The following CHD6 variants were observed in gnomAD, a reference collection of about 807,000 sequenced individuals.
CHD6 encodes the protein ATP-dependent chromatin remodeler CHD6.
Under a neutral mutation model 276.9 loss-of-function variants are expected in CHD6, and 50 were observed. The observed-to-expected ratio is 0.18, with a 90% confidence interval of 0.14 to 0.23. CHD6 has a LOEUF of 0.23. Among genes scored for constraint, CHD6 ranks in the 10% least tolerant of loss-of-function variants. CHD6 has a pLI of 1.00. For missense variants in CHD6, 2,564 were observed against 3,365.8 expected (o/e 0.76, Z 5.89); for synonymous variants, 1,173 against 1,229.3 (o/e 0.95, Z 0.96).
At chr20:41,409,457 G>A (rs1317909668) in intron 36 of CHD6, among the ~76,000 whole-genome samples, 2 of 152,216 alleles carry the variant, frequency 1.3e-5, no homozygotes, top group Non-Finnish European at 2.9e-5. Context: ...AGCCTAAGAA[G>A]AACATCCTCA....
intron 3 of CHD6, among the ~76,000 whole-genome samples, chr20:41,520,676 C>T (rs1292214269): frequency 1.4e-5 from 1 of 73,596 alleles, no homozygotes; most frequent in Admixed American, 1.8e-4. Flanking sequence ...GTTGTGGGGT[C>T]GGGGGAGGGG....
At chr20:41,563,364 AT>A in intron 1 of CHD6, among the ~76,000 whole-genome samples, 1 of 152,322 alleles carries the variant, frequency 6.6e-6, no homozygotes, top group Non-Finnish European at 1.5e-5. Flanking sequence ...GCAGTATCCT[AT>A]GTTGCTATAA....
chr20:41,570,952 G>C (rs1283014825), intron 1 of CHD6, among the ~76,000 whole-genome samples: 1 of 152,108 alleles, frequency 6.6e-6, no homozygotes, highest in Admixed American at 6.6e-5. Context: ...TCTGCTCTCA[G>C]AGTTACCTAC....
At chr20:41,456,115 T>G in intron 18 of CHD6, 136 bp from the exon 19 acceptor site, 1 of 766,098 alleles carries the variant, frequency 1.3e-6, no homozygotes, top group South Asian at 3.2e-5. Flanking sequence ...GGCAACAAAC[T>G]TCAGCTAGTG....
At chr20:41,564,842 T>C (rs1203614863) in intron 1 of CHD6, among the ~76,000 whole-genome samples, 2 of 152,168 alleles carry the variant, frequency 1.3e-5, no homozygotes, top group African/African-American at 4.8e-5. Context: ...GGAGAGAGGC[T>C]CTCAAAATGC....
chr20:41,601,767 G>C (rs1045188971), intron 1 of CHD6, among the ~76,000 whole-genome samples: 2 of 152,198 alleles, frequency 1.3e-5, no homozygotes, highest in African/African-American at 4.8e-5. Context: ...ATTTCATGTG[G>C]TGTTAAAGGA....
intron 31 of CHD6, 43 bp from the exon 32 acceptor site, chr20:41,417,392 A>G (rs2047035185): frequency 6.4e-7 from 1 of 1,553,466 alleles, no homozygotes; most frequent in Non-Finnish European, 8.8e-7. Context: ...TAACTATAGT[A>G]GTGAGATACT....
intron 1 of CHD6, among the ~76,000 whole-genome samples, chr20:41,564,685 TCTTA>T (rs1188317723): frequency 1.3e-5 from 2 of 152,236 alleles, no homozygotes; most frequent in Non-Finnish European, 2.9e-5. Flanking sequence ...TTTTTAAAAA[TCTTA>T]CTTAAAGGCT....
At chr20:41,474,567 C>A (rs755759559) in intron 16 of CHD6, among the ~76,000 whole-genome samples, 4 of 152,104 alleles carry the variant, frequency 2.6e-5, no homozygotes, top group Non-Finnish European at 5.9e-5. Flanking sequence ...AGAAAAGAAC[C>A]AAATCACCCC....
At position 41,587,918 on chromosome 20, in the gene CHD6, T is replaced by C. The variant is rs529665269; in HGVS notation, c.-24+30422A>G. Among the ~76,000 whole-genome samples the C allele has an allele frequency of 3.9e-5, 6 of 152,044 alleles. 1 individual carries two copies. The highest frequency in any genetic ancestry group is 1.4e-4 in the African/African-American group (6 of 41,446). ...ACCAAAAGAATAAAGCATTAAGCAATAGGAGTAAACGCTGAGAAGTCATGA... is the reference window on the plus strand; with the variant it reads ...ACCAAAAGAATAAAGCATTAAGCAACAGGAGTAAACGCTGAGAAGTCATGA... On this transcript the variant is annotated intron_variant, in intron 1 of 36. Transcript: ENST00000373233.
Position 41,452,624 on chromosome 20 carries a change from C to A in CHD6, c.3323+116G>T. The A allele has an allele frequency of 1.1e-6, 1 of 907,974 alleles. No homozygotes were observed. Among genetic ancestry groups the A allele is most frequent in the East Asian group, 2.5e-5 (1 of 40,434 alleles). The allele number at this position is 907,974 out of a possible 1,614,324, so 56.2% of individuals were successfully genotyped here. A position where few individuals can be genotyped will look rare whatever the true frequency, so the allele number is the denominator to read the frequency against. ...TTCTCTCTTGCTCCAACAGATCCCCCTTTGCCCTATAATTCCAAAGGTGAC... is the reference window on the plus strand; with the variant it reads ...TTCTCTCTTGCTCCAACAGATCCCCATTTGCCCTATAATTCCAAAGGTGAC... On this transcript the variant is annotated intron_variant, in intron 21 of 36. Coordinates refer to ENST00000373233, the MANE Select transcript of CHD6 (RefSeq NM_032221.5). This position sits in a 1 kb window ranked among gnomAD's most constrained non-coding sequence, Gnocchi z 4.2.
intron 2 of CHD6, among the ~76,000 whole-genome samples, chr20:41,549,221 T>C (rs1009513993): frequency 2.6e-5 from 4 of 151,862 alleles, no homozygotes; most frequent in African/African-American, 4.8e-5. Flanking sequence ...CTATTCACAA[T>C]AGCAAAGACT....
rs566111491 is a variant in CHD6 at position 41,449,875 on chromosome 20, T to C, written c.3683+1071A>G. On this transcript the variant is annotated intron_variant, in intron 23 of 36. Transcript: ENST00000373233. ...ACATCCCATCCCCAGTGGATAACCA[T>C]TATCCTGTCTGCTTTTAGCTTAGAT... Among the ~76,000 whole-genome samples the C allele has an allele frequency of 5.9e-5, 9 of 152,318 alleles. No individual in the cohort carries two copies. In the South Asian group the frequency reaches 1.9e-3, roughly 32 times the overall value.
At chr20:41,577,512 G>C (rs913584225) in intron 1 of CHD6, among the ~76,000 whole-genome samples, 3 of 151,990 alleles carry the variant, frequency 2.0e-5, no homozygotes, top group African/African-American at 4.8e-5. Flanking sequence ...CAAGTAAAAA[G>C]ATTCAAAAAA....
At chr20:41,435,897 A>G (rs887141742) in intron 27 of CHD6, among the ~76,000 whole-genome samples, 3 of 152,032 alleles carry the variant, frequency 2.0e-5, no homozygotes, top group Non-Finnish European at 2.9e-5. Context: ...TGTGCTACTG[A>G]CAGAGGAAAA....
chr20:41,488,584 G>C lies in CHD6; in HGVS notation c.1701C>G (p.Val567=). 2 of 1,613,578 alleles carry C rather than the reference G, an allele frequency of 1.2e-6. No individual in the cohort carries two copies. The highest frequency in any genetic ancestry group is 1.7e-6 in the Non-Finnish European group (2 of 1,179,748). Residue 567 remains valine (V), a synonymous_variant, in exon 13 of 37, where the codon GTC becomes GTG. Transcript: ENST00000373233. ...RDAQGNPLSG[V]FKFHVVITTF... Reference sequence around the variant, plus strand: ...TTGTGATGACGACGTGGAACTTGAAGACTCCTGAAAGGGGGTTTCCCTGAG... The same window carrying C: ...TTGTGATGACGACGTGGAACTTGAACACTCCTGAAAGGGGGTTTCCCTGAG...
chr20:41,536,407 A>G (rs1011951697), intron 2 of CHD6, among the ~76,000 whole-genome samples: 6 of 152,236 alleles, frequency 3.9e-5, no homozygotes, highest in African/African-American at 1.4e-4. Flanking sequence ...AAAGACACTT[A>G]AAGACTTGAA....
intron 13 of CHD6, 118 bp downstream of exon 13, chr20:41,488,307 AAAG>A: frequency 1.0e-6 from 1 of 978,668 alleles, no homozygotes; most frequent in South Asian, 1.7e-5. Context: ...AGAGACCAAA[AAAG>A]AAAATCTAAT....
At chr20:41,543,333 G>T (rs1406105176) in intron 2 of CHD6, among the ~76,000 whole-genome samples, 1 of 152,012 alleles carries the variant, frequency 6.6e-6, no homozygotes, top group African/African-American at 2.4e-5. Context: ...CCATTTCAAG[G>T]GCCATTGCTT....
Sources: gnomAD v4.1 joint callset for allele counts (sites outside exome capture counted in the v4.1 genomes callset) on GRCh38, gnomAD v4.1.1 for gene constraint, Gnocchi (gnomAD v3.1) non-coding constraint, MANE v1.5 for transcripts, NCBI Gene and HGNC (gene_info 2026-07-23, HGNC 2026-07-21) for gene names.